Variants in NR3C1 observed in about 807,000 individuals in gnomAD.
The protein encoded by NR3C1 is glucocorticoid receptor.
In NR3C1, 14 loss-of-function variants were observed where a neutral mutation model predicts 74.0. The observed-to-expected ratio is 0.19, with a 90% CI of 0.12 to 0.30. The LOEUF (loss-of-function observed/expected upper bound fraction) is 0.30, where lower values mean the gene tolerates loss of function less well. Among genes scored for constraint, NR3C1 ranks in the 10% least tolerant of loss-of-function variants. NR3C1 has a pLI of 1.00. For missense variants in NR3C1, 695 were observed against 909.8 expected (o/e 0.76, Z 3.04); for synonymous variants, 308 against 332.5 (o/e 0.93, Z 0.80).
chr5:143,404,396 C>G (rs1191885607), upstream of NR3C1: 1 of 985,488 alleles, frequency 1.0e-6, no homozygotes, highest in Non-Finnish European at 1.2e-6. Flanking sequence ...GGGGGAGTCG[C>G]GTGCCGGCAG....
At position 143,393,564 on chromosome 5, in the gene NR3C1, T is replaced by C. The variant is rs568247501; in HGVS notation, c.1184+6092A>G. Reference sequence around the variant, plus strand: ...TGGTTAAAAAAATAAAAAAGCAAAATCTGCAATTTAAATAGTCTTAAAATT... The same window carrying C: ...TGGTTAAAAAAATAAAAAAGCAAAACCTGCAATTTAAATAGTCTTAAAATT... On this transcript the variant is annotated intron_variant, in intron 2 of 8. Transcript: ENST00000394464. Among the ~76,000 whole-genome samples the C allele has an allele frequency of 3.3e-5, 5 of 152,138 alleles. No homozygotes were observed. The East Asian group carries it at 9.6e-4, about 29-fold the overall frequency.
intron 8 of NR3C1, 41 bp downstream of exon 8, chr5:143,282,527 C>T (rs1813331454): frequency 2.5e-6 from 4 of 1,611,338 alleles, no homozygotes; most frequent in South Asian, 2.2e-5. Flanking sequence ...CATACTTTGT[C>T]CCAGAAAACT....
intron 2 of NR3C1, among the ~76,000 whole-genome samples, chr5:143,370,530 A>G (rs1200943525): frequency 1.3e-5 from 2 of 152,234 alleles, no homozygotes; most frequent in African/African-American, 4.8e-5. Context: ...TTTAAACTGC[A>G]TATTTACAGA....
At chr5:143,323,002 C>CA (rs1453419733) in intron 2 of NR3C1, among the ~76,000 whole-genome samples, 1 of 152,184 alleles carries the variant, frequency 6.6e-6, no homozygotes, top group Non-Finnish European at 1.5e-5. Context: ...TCTGTGGTTT[C>CA]ACTTTTGACA....
chr5:143,432,345 A>G (rs560799074), intron 1 of NR3C1, among the ~76,000 whole-genome samples: 2 of 152,274 alleles, frequency 1.3e-5, no homozygotes, highest in Non-Finnish European at 2.9e-5. Flanking sequence ...CAAATTCACA[A>G]ACATTGGTCC....
intron 3 of NR3C1, 89 bp from the exon 4 acceptor site, chr5:143,310,302 A>G: frequency 1.1e-6 from 1 of 938,992 alleles, no homozygotes. Context: ...CCGGTGGAAT[A>G]TAACCAAGAC....
intron 7 of NR3C1, 76 bp from the exon 8 acceptor site, chr5:143,282,801 A>G: frequency 7.0e-7 from 1 of 1,429,630 alleles, no homozygotes; most frequent in South Asian, 1.2e-5. Flanking sequence ...TTTGAGATAG[A>G]TAGGGTCTCA....
chr5:143,404,682 T>A, upstream of NR3C1: 1 of 255,612 alleles, frequency 3.9e-6, no homozygotes, highest in Non-Finnish European at 6.2e-6. Flanking sequence ...TGCACTTTTT[T>A]TTTATTATTA....
intron 7 of NR3C1, chr5:143,294,393 GCTTT>G (rs1816667985): frequency 1.2e-6 from 1 of 851,818 alleles, no homozygotes; most frequent in Admixed American, 6.2e-5. Context: ...AGTTCATAGA[GCTTT>G]TTTTAAAAAA....
At chr5:143,358,108 G>T (rs1212730155) in intron 2 of NR3C1, among the ~76,000 whole-genome samples, 1 of 152,168 alleles carries the variant, frequency 6.6e-6, no homozygotes, top group Admixed American at 6.5e-5. Flanking sequence ...CTGTAAAGCG[G>T]GTAAGGATTT....
intron 2 of NR3C1, chr5:143,333,098 G>T (rs1213168834): frequency 2.5e-6 from 4 of 1,594,566 alleles, no homozygotes; most frequent in Non-Finnish European, 3.4e-6. Flanking sequence ...AGCATTTCCA[G>T]GAGATCTCAT....
At chr5:143,337,032 C>A (rs148879945) in intron 2 of NR3C1, among the ~76,000 whole-genome samples, 1 of 151,942 alleles carries the variant, frequency 6.6e-6, no homozygotes, top group African/African-American at 2.4e-5. Flanking sequence ...CACATGTGTG[C>A]GCACACACAC....
intron 2 of NR3C1, among the ~76,000 whole-genome samples, chr5:143,349,424 C>G (rs1235619719): frequency 6.6e-6 from 1 of 152,120 alleles, no homozygotes; most frequent in Non-Finnish European, 1.5e-5. Context: ...AATCTATCTT[C>G]TTAGAAGACT....
At chr5:143,369,997 C>A (rs959112066) in intron 2 of NR3C1, among the ~76,000 whole-genome samples, 2 of 152,116 alleles carry the variant, frequency 1.3e-5, no homozygotes, top group Non-Finnish European at 2.9e-5. Flanking sequence ...TTGCAATCTT[C>A]AAGTTTTTTC....
chr5:143,292,590 A>G (rs1283096576), intron 7 of NR3C1, among the ~76,000 whole-genome samples: 1 of 152,204 alleles, frequency 6.6e-6, no homozygotes. Flanking sequence ...CATCTTCACC[A>G]TAAGAACCTT....
chr5:143,386,920 AAAG>A (rs1167101800), intron 2 of NR3C1, among the ~76,000 whole-genome samples: 2 of 152,356 alleles, frequency 1.3e-5, no homozygotes, highest in East Asian at 3.9e-4. Context: ...GCTGTGGTAC[AAAG>A]AAGGAGAACC....
chr5:143,387,645 A>G (rs1326449810), intron 2 of NR3C1, among the ~76,000 whole-genome samples: 1 of 152,116 alleles, frequency 6.6e-6, no homozygotes, highest in African/African-American at 2.4e-5. Context: ...TGCTATGGCT[A>G]ACACCTACTT....
At chr5:143,346,549 T>C (rs540748106) in intron 2 of NR3C1, among the ~76,000 whole-genome samples, 1 of 152,366 alleles carries the variant, frequency 6.6e-6, no homozygotes, top group African/African-American at 2.4e-5. Context: ...ATTAGACTTT[T>C]GTGTTACTGT....
intron 2 of NR3C1, among the ~76,000 whole-genome samples, chr5:143,339,488 A>T (rs560868265): frequency 1.3e-5 from 2 of 152,192 alleles, no homozygotes; most frequent in South Asian, 4.1e-4. Flanking sequence ...TTATGTTATC[A>T]TCCTTTTAAC....
Sources: gnomAD v4.1 joint callset for allele counts (sites outside exome capture counted in the v4.1 genomes callset) on GRCh38, gnomAD v4.1.1 for gene constraint, MANE v1.5 for transcripts, NCBI Gene and HGNC (gene_info 2026-07-23, HGNC 2026-07-21) for gene names.